Variants in MGAM2 observed in about 807,000 individuals in gnomAD.
The protein encoded by MGAM2 is maltase-glucoamylase 2 (putative).
Under a neutral mutation model 96.1 loss-of-function variants are expected in MGAM2, and 98 were observed. The observed-to-expected ratio is 1.02, with a 90% CI of 0.87 to 1.21. The LOEUF (loss-of-function observed/expected upper bound fraction) is 1.21, where lower values mean the gene tolerates loss of function less well. Among genes scored for constraint, MGAM2 ranks in the 50% most tolerant of loss-of-function variants. The pLI, the probability that MGAM2 is intolerant of heterozygous loss-of-function variation, is 0.00. For synonymous variants in MGAM2, 749 were observed against 414.8 expected (o/e 1.81, Z -9.79); for missense variants, 2,055 against 1,182.4 (o/e 1.74, Z -10.82).
intron 2 of MGAM2, 93 bp from the exon 3 acceptor site, chr7:142,120,209 G>C (rs192092658): frequency 3.4e-5 from 23 of 668,386 alleles, no homozygotes; most frequent in African/African-American, 3.2e-4. Context: ...GTTGTGTGGA[G>C]AATTGGCCAA....
intron 23 of MGAM2, among the ~76,000 whole-genome samples, chr7:142,163,422 C>T (rs1277450146): frequency 6.6e-6 from 1 of 152,140 alleles, no homozygotes; most frequent in East Asian, 1.9e-4. Flanking sequence ...GCTGGGATTA[C>T]AGGCATGCAC....
chr7:142,182,301 G>A (rs1015367493), intron 32 of MGAM2, among the ~76,000 whole-genome samples: 1 of 152,168 alleles, frequency 6.6e-6, no homozygotes, highest in Admixed American at 6.5e-5. Flanking sequence ...AAGCACTCAG[G>A]TGGGGCAGTG....
In MGAM2 at chr7:142,118,784, C is replaced by A. The variant is rs151042017; in HGVS notation, c.107-1518C>A. On this transcript the variant is annotated intron_variant, in intron 2 of 47. Coordinates refer to ENST00000477922, the MANE Select transcript of MGAM2 (RefSeq NM_001293626.2). ...TCCCAGCGATTTATTCAGGGCTTCCCTGGTAACAACAACAAAAAAATGTTG... is the reference window on the plus strand; with the variant it reads ...TCCCAGCGATTTATTCAGGGCTTCCATGGTAACAACAACAAAAAAATGTTG... 4.3e-3 allele frequency among the ~76,000 whole-genome samples: 652 copies of A among 150,352 alleles called. 4 individuals carry two copies. The highest frequency in any genetic ancestry group is 0.024 in the Middle Eastern group (7 of 292).
intron 31 of MGAM2, among the ~76,000 whole-genome samples, chr7:142,174,733 T>TTTTTTTGA (rs1554509447): frequency 1.4e-5 from 2 of 143,624 alleles, no homozygotes; most frequent in Non-Finnish European, 3.0e-5. Context: ...TTTTTTTTTT[T>TTTTTTTGA]GAGTTGGAGT....
rs749798953 is a variant in MGAM2, at chr7:142,147,512, G to A, written c.1573G>A (p.Gly525Arg). 6 of 702,914 alleles carry A rather than the reference G, an allele frequency of 8.5e-6. No individual in the cohort carries two copies. The South Asian group carries it at 8.9e-5, about 10-fold the overall frequency. The allele number at this position is 702,914 out of a possible 1,614,324, so 43.5% of individuals were successfully genotyped here. A position where few individuals can be genotyped will look rare whatever the true frequency, so the allele number is the denominator to read the frequency against. ...TCTCTGCATGGACACGGAGTTTCATGGGGGCCTTCATTATGACATCCACAG... is the reference window on the plus strand; with the variant it reads ...TCTCTGCATGGACACGGAGTTTCATAGGGGCCTTCATTATGACATCCACAG... ...RTLCMDTEFHGGLHYDIHSLY... is the reference protein window; with the variant it reads ...RTLCMDTEFHRGLHYDIHSLY... Residue 525 changes from glycine (G) to arginine (R), a missense_variant, in exon 15 of 48, where the codon GGG becomes AGG. By Grantham distance (125) the Gly-to-Arg change is moderately radical (BLOSUM62 -2). Transcript: ENST00000477922.
intron 46 of MGAM2, among the ~76,000 whole-genome samples, chr7:142,214,817 A>T (rs1585226638): frequency 6.6e-6 from 1 of 152,332 alleles, no homozygotes; most frequent in African/African-American, 2.4e-5. Flanking sequence ...GCTGGAGAGG[A>T]TGTGGAGAAA....
At position 142,132,117 on chromosome 7, in the gene MGAM2, G is replaced by T; in HGVS notation, c.575+32G>T. On this transcript the variant is annotated intron_variant, in intron 6 of 47. Coordinates refer to ENST00000477922, the MANE Select transcript of MGAM2 (RefSeq NM_001293626.2). ...TTTTCAACCCTCTTGGTGCATCTTT[G>T]AACACACAGTTCTAATATTACTCAT... 4.3e-6 allele frequency: 3 copies of T among 692,672 alleles called. No homozygotes were observed. In the South Asian group the frequency reaches 4.6e-5, roughly 11 times the overall value. 42.9% of individuals were successfully genotyped at this position (692,672 alleles called of 1,614,324 possible).
At chr7:142,197,792 T>C in intron 42 of MGAM2, 64 bp downstream of exon 42, 2 of 701,412 alleles carry the variant, frequency 2.9e-6, no homozygotes, top group Non-Finnish European at 5.2e-6. Context: ...GGGAAAAGCA[T>C]TTTAAAGATC....
chr7:142,121,196 GAGACAGAGTC>G (rs1173718311), intron 3 of MGAM2, among the ~76,000 whole-genome samples: 2 of 147,630 alleles, frequency 1.4e-5, no homozygotes, highest in Admixed American at 6.8e-5. Context: ...TCTTTTTTTT[GAGACAGAGTC>G]TCACCTTGTC....
At chr7:142,150,183 C>A (rs1379952758) in intron 15 of MGAM2, among the ~76,000 whole-genome samples, 1 of 151,912 alleles carries the variant, frequency 6.6e-6, no homozygotes, top group Non-Finnish European at 1.5e-5. Context: ...TCTGGTGATC[C>A]GCCCACCTCG....
intron 45 of MGAM2, chr7:142,208,372 T>A (rs777655366): frequency 1.5e-6 from 1 of 658,314 alleles, no homozygotes; most frequent in Non-Finnish European, 2.8e-6. Flanking sequence ...CCCGGCAAGG[T>A]ACCCATTTGC....
chr7:142,123,617 T>C (rs1270028719), intron 3 of MGAM2, among the ~76,000 whole-genome samples: 1 of 152,210 alleles, frequency 6.6e-6, no homozygotes, highest in African/African-American at 2.4e-5. Flanking sequence ...TTTGCCTTTT[T>C]TTCTACTGAA....
chr7:142,187,733 T>C lies in MGAM2; in HGVS notation c.4123-17T>C. On this transcript the variant is annotated splice_polypyrimidine_tract_variant and intron_variant, in intron 35 of 47. Coordinates refer to ENST00000477922, the MANE Select transcript of MGAM2 (RefSeq NM_001293626.2). ...GCCCCTGACATGACGAGATCTTTTT[T>C]TGTTAACTCATTTCAGGATATGAAT... is the stretch of plus-strand genomic sequence containing the variant. The C allele has an allele frequency of 1.4e-6, 1 of 702,216 alleles. No individual in the cohort carries two copies. Among genetic ancestry groups the C allele is most frequent in the Non-Finnish European group, 2.6e-6 (1 of 384,418 alleles). 43.5% of individuals were successfully genotyped at this position (702,216 alleles called of 1,614,324 possible). A position where few individuals can be genotyped will look rare whatever the true frequency, so the allele number is the denominator to read the frequency against.
chr7:142,151,257 G>T (rs1384872104), intron 15 of MGAM2, among the ~76,000 whole-genome samples: 1 of 152,192 alleles, frequency 6.6e-6, no homozygotes, highest in Admixed American at 6.5e-5. Context: ...GGGACCTGAT[G>T]ACTTCGAGGC....
At position 142,219,866 on chromosome 7, in the gene MGAM2, G is replaced by T; in HGVS notation, c.5359-4G>T. ...ACCCATTTATATCTCTTCTTTTCTG[G>T]CAGATACTAACTATTCAATTGACTG... On this transcript the variant is annotated splice_polypyrimidine_tract_variant and splice_region_variant and intron_variant, in intron 47 of 47. Transcript: ENST00000477922. The T allele has an allele frequency of 1.4e-6, 1 of 691,784 alleles. No individual in the cohort carries two copies. The allele number at this position is 691,784 out of a possible 1,614,324, so 42.9% of individuals were successfully genotyped here. A position where few individuals can be genotyped will look rare whatever the true frequency, so the allele number is the denominator to read the frequency against.
At chr7:142,171,130 T>G in intron 27 of MGAM2, 142 bp from the exon 28 acceptor site, 1 of 687,188 alleles carries the variant, frequency 1.5e-6, no homozygotes, top group East Asian at 2.7e-5. Context: ...TGTTATGACC[T>G]GGGTCATGTC....
At position 142,154,201 on chromosome 7, in the gene MGAM2, T is replaced by G. The variant is rs1276622163; in HGVS notation, c.1806+12T>G. Reference sequence around the variant, plus strand: ...TTGGCATCCCCATGGTGAGCCTTATTTCCAACCAGGGAACTTTAACCCTTT... The same window carrying G: ...TTGGCATCCCCATGGTGAGCCTTATGTCCAACCAGGGAACTTTAACCCTTT... On this transcript the variant is annotated intron_variant, in intron 16 of 47. Transcript: ENST00000477922. 1 of 583,076 alleles carries G rather than the reference T, an allele frequency of 1.7e-6. No individual in the cohort carries two copies. The highest frequency in any genetic ancestry group is 2.1e-5 in the South Asian group (1 of 47,536). The allele number at this position is 583,076 out of a possible 1,614,324, so 36.1% of individuals were successfully genotyped here. A position where few individuals can be genotyped will look rare whatever the true frequency, so the allele number is the denominator to read the frequency against.
At chr7:142,131,170 TG>T (rs1794876059) in intron 4 of MGAM2, 99 bp downstream of exon 4, 3 of 651,228 alleles carry the variant, frequency 4.6e-6, no homozygotes, top group African/African-American at 1.8e-5. Flanking sequence ...GCAGGCGTGG[TG>T]GCTCACGTCT....
chr7:142,137,411 A>G (rs976630608), intron 8 of MGAM2, 22 bp from the exon 9 acceptor site: 60 of 683,292 alleles, frequency 8.8e-5, no homozygotes, highest in Middle Eastern at 2.3e-4. Context: ...GATTCTAATT[A>G]ATCTCATTAT....
Sources: gnomAD v4.1 joint callset for allele counts (sites outside exome capture counted in the v4.1 genomes callset) on GRCh38, gnomAD v4.1.1 for gene constraint, MANE v1.5 for transcripts, NCBI Gene and HGNC (gene_info 2026-07-23, HGNC 2026-07-21) for gene names.